FBN1: variants seen among roughly 807,000 people sequenced by gnomAD.
The protein encoded by FBN1 is fibrillin 1, also known as fibrillin-1.
A neutral mutation model predicts 365.1 loss-of-function variants in FBN1; 29 were observed. The observed-to-expected ratio is 0.08, with a 90% CI of 0.06 to 0.11. The LOEUF (loss-of-function observed/expected upper bound fraction) is 0.11, where lower values mean the gene tolerates loss of function less well. Ranked by LOEUF, FBN1 falls within the 10% of genes least tolerant of loss-of-function variation. The pLI is 1.00. For missense variants in FBN1, 2,476 were observed against 3,703.2 expected, an observed-to-expected ratio of 0.67 and a Z score of 8.60; for synonymous variants, 1,210 against 1,270.5, an observed-to-expected ratio of 0.95 and a Z score of 1.01.
chr15:48,519,467 A>G (rs1378625980), intron 10 of FBN1, among the ~76,000 whole-genome samples: 1 of 152,226 alleles, frequency 6.6e-6, no homozygotes. Flanking sequence ...TTGATCAACC[A>G]GTAAAAGAGC....
At chr15:48,575,946 A>G (rs2044343581) in intron 6 of FBN1, among the ~76,000 whole-genome samples, 1 of 152,160 alleles carries the variant, frequency 6.6e-6, no homozygotes. Flanking sequence ...ATAGAAACAG[A>G]AAGTCCACTT....
chr15:48,437,896 T>A lies in FBN1; in HGVS notation c.6185A>T (p.Tyr2062Phe). The change falls in exon 51 of 66, where the codon TAT becomes TTT. Residue 2062 changes from tyrosine (Y) to phenylalanine (F), a missense_variant. Physicochemically the swap from Tyr to Phe is conservative, Grantham distance 22. This residue lies in a region of FBN1 where 1,780 missense variants were observed against 2,840.8 expected (regional missense o/e 0.63). Transcript: ENST00000316623. ...ACACTTTCCTCCTTCAAACTTCGCA[T>A]AACAGTAGCTCATTCGCAAATCTGC... ...RCQDLRMSYC[Y>F]AKFEGGKCSS... The A allele has an allele frequency of 1.2e-6, 2 of 1,613,850 alleles. No individual in the cohort carries two copies.
At chr15:48,481,902 C>T (rs900307090) in intron 31 of FBN1, 122 bp from the exon 32 acceptor site, 7 of 1,038,544 alleles carry the variant, frequency 6.7e-6, no homozygotes, top group Admixed American at 2.0e-5. Context: ...CTCAGAAAAA[C>T]AATGTTAAAT....
chr15:48,578,237 C>T (rs757785055), intron 6 of FBN1, among the ~76,000 whole-genome samples: 1 of 152,180 alleles, frequency 6.6e-6, no homozygotes, highest in African/African-American at 2.4e-5. Context: ...AAAATCAAAT[C>T]TGCATGGGAA....
At chr15:48,605,217 A>G (rs201927467) in intron 4 of FBN1, among the ~76,000 whole-genome samples, 1 of 151,788 alleles carries the variant, frequency 6.6e-6, no homozygotes, top group African/African-American at 2.4e-5. Flanking sequence ...TAAAGTGGGG[A>G]AGATCTGCCT....
At chr15:48,528,530 A>G (rs997137550) in intron 8 of FBN1, among the ~76,000 whole-genome samples, 2 of 152,180 alleles carry the variant, frequency 1.3e-5, no homozygotes, top group Admixed American at 6.5e-5. Context: ...ACTGACATGA[A>G]TCAAACCTGA....
At chr15:48,453,292 A>AC (rs1227555040) in intron 44 of FBN1, among the ~76,000 whole-genome samples, 4 of 99,270 alleles carry the variant, frequency 4.0e-5, no homozygotes, top group East Asian at 2.7e-4. Context: ...AAATAAAACA[A>AC]ACAAAAAAAA....
chr15:48,573,808 C>G (rs952894477), intron 6 of FBN1, among the ~76,000 whole-genome samples: 1 of 152,224 alleles, frequency 6.6e-6, no homozygotes, highest in Non-Finnish European at 1.5e-5. Flanking sequence ...AGACCCTGGG[C>G]AGTACCATCA....
At chr15:48,418,493 A>G (rs2042917428) in intron 63 of FBN1, among the ~76,000 whole-genome samples, 1 of 152,262 alleles carries the variant, frequency 6.6e-6, no homozygotes, top group Admixed American at 6.5e-5. Context: ...GCAAATATTC[A>G]GTGTTTACAG....
chr15:48,456,624 T>C lies in FBN1; in HGVS notation c.5422+13A>G, dbSNP rs546404087. 6.2e-7 allele frequency: 1 copy of C among 1,613,078 alleles called. No homozygotes were observed. Among genetic ancestry groups the C allele is most frequent in the African/African-American group, 1.3e-5 (1 of 74,896 alleles). On this transcript the variant is annotated intron_variant, in intron 44 of 65. Coordinates refer to ENST00000316623, the MANE Select transcript of FBN1 (RefSeq NM_000138.5). Reference sequence around the variant, plus strand: ...CTCTTTTCTGGATATGATAAAGTCATGATGCCACTTACCTTCACAAACCAA... The same window carrying C: ...CTCTTTTCTGGATATGATAAAGTCACGATGCCACTTACCTTCACAAACCAA...
chr15:48,520,522 C>T, intron 10 of FBN1, 137 bp downstream of exon 10: 1 of 1,003,644 alleles, frequency 1.0e-6, no homozygotes, highest in Non-Finnish European at 1.4e-6. Flanking sequence ...AGGGAAATTT[C>T]CCTGGACGTC....
In FBN1 at chr15:48,422,926, CAAAACA is replaced by C. The variant is rs532548130; in HGVS notation, c.7454-864_7454-859del. On this transcript the variant is annotated intron_variant, in intron 60 of 65. Transcript: ENST00000316623. ...TGGGCAACAGAGTGAAACTTCGTCT[CAAAACA>C]AAAACAAAAACAAAAACAAAAAACA... is the stretch of plus-strand genomic sequence containing the variant. Among the ~76,000 whole-genome samples, 27 of 151,616 alleles carry C rather than the reference CAAAACA, an allele frequency of 1.8e-4. 1 individual carries two copies. The highest frequency in any genetic ancestry group is 1.1e-3 in the Admixed American group (17 of 15,224).
At chr15:48,507,891 A>G (rs1476214792) in intron 15 of FBN1, among the ~76,000 whole-genome samples, 1 of 152,150 alleles carries the variant, frequency 6.6e-6, no homozygotes. Context: ...GACACTAAGC[A>G]CAAATTTGTC....
intron 6 of FBN1, among the ~76,000 whole-genome samples, chr15:48,571,336 G>A (rs1386071374): frequency 1.3e-5 from 2 of 152,010 alleles, no homozygotes; most frequent in Non-Finnish European, 2.9e-5. Flanking sequence ...ATCCAAATTA[G>A]ATTAAAGCAT....
chr15:48,463,286 G>A (rs764069720), intron 41 of FBN1, 46 bp from the exon 42 acceptor site: 4 of 1,578,048 alleles, frequency 2.5e-6, no homozygotes, highest in East Asian at 2.2e-5. Context: ...GTGATGCCAT[G>A]TGGGAAATCA....
intron 2 of FBN1, among the ~76,000 whole-genome samples, chr15:48,636,214 G>GTGCTCT (rs1429279281): frequency 6.6e-6 from 1 of 152,154 alleles, no homozygotes; most frequent in Non-Finnish European, 1.5e-5. Context: ...TCCCACTTTT[G>GTGCTCT]TGCTCTTGAG....
chr15:48,569,091 T>C (rs1386423110), intron 6 of FBN1, among the ~76,000 whole-genome samples: 1 of 152,014 alleles, frequency 6.6e-6, no homozygotes, highest in Non-Finnish European at 1.5e-5. Context: ...CAATATCTGA[T>C]AAAGAACTTG....
At chr15:48,546,290 T>C (rs1394048286) in intron 6 of FBN1, among the ~76,000 whole-genome samples, 1 of 152,232 alleles carries the variant, frequency 6.6e-6, no homozygotes, top group African/African-American at 2.4e-5. Context: ...TGTAATTTAG[T>C]TACAAATGAA....
At chr15:48,571,965 T>C (rs2044308960) in intron 6 of FBN1, among the ~76,000 whole-genome samples, 2 of 152,182 alleles carry the variant, frequency 1.3e-5, no homozygotes, top group African/African-American at 4.8e-5. Flanking sequence ...AAATTTACTA[T>C]GTAAAGAAAA....
Sources: gnomAD v4.1 joint callset for allele counts (sites outside exome capture counted in the v4.1 genomes callset) on GRCh38, gnomAD v4.1.1 for gene constraint, gnomAD v4.1.1 regional missense constraint, MANE v1.5 for transcripts, NCBI Gene and HGNC (gene_info 2026-07-23, HGNC 2026-07-21) for gene names.